Variants in DIP2A observed in about 807,000 individuals in gnomAD.
DIP2A encodes the protein disco-interacting protein 2 homolog A.
A neutral mutation model predicts 177.4 loss-of-function variants in DIP2A; 85 were observed. The ratio of observed to expected loss-of-function variants is 0.48; its 90% CI spans 0.40 to 0.57. The LOEUF (loss-of-function observed/expected upper bound fraction) is 0.57, where lower values mean the gene tolerates loss of function less well. Ranked by LOEUF, DIP2A falls within the 20% of genes least tolerant of loss-of-function variation. The probability of loss-of-function intolerance (pLI) is 0.00; values close to 1 mark genes in which losing one functional copy is unlikely to be tolerated. For missense variants in DIP2A, 1,791 were observed against 2,100.2 expected (o/e 0.85, Z 2.88); for synonymous variants, 886 against 881.8 (o/e 1.00, Z -0.08).
chr21:46,525,417 C>G (rs1291543693), intron 8 of DIP2A, among the ~76,000 whole-genome samples: 1 of 152,166 alleles, frequency 6.6e-6, no homozygotes, highest in African/African-American at 2.4e-5. Flanking sequence ...TTGCCCCACT[C>G]TTCTGTGGTG....
At chr21:46,504,584 C>A in intron 6 of DIP2A, 95 bp downstream of exon 6, 1 of 1,420,880 alleles carries the variant, frequency 7.0e-7, no homozygotes, top group African/African-American at 1.4e-5. Flanking sequence ...TGTAGCAAAC[C>A]CAAGCCAAAC....
intron 32 of DIP2A, among the ~76,000 whole-genome samples, chr21:46,560,143 TGTC>T: frequency 6.6e-6 from 1 of 152,372 alleles, no homozygotes; most frequent in South Asian, 2.1e-4. Flanking sequence ...CAGGTTATGT[TGTC>T]TGGGATCTTT....
chr21:46,511,404 A>C lies in DIP2A; in HGVS notation c.905-13A>C. ...CTGAATTGCTGATTTTAAAGTTTTG[A>C]TTTTGCTTGTAGTTCAGCAACCAGA... On this transcript the variant is annotated splice_polypyrimidine_tract_variant and intron_variant, in intron 7 of 37. Transcript: ENST00000417564. The C allele has an allele frequency of 6.3e-7, 1 of 1,595,802 alleles. No individual in the cohort carries two copies. The highest frequency in any genetic ancestry group is 8.5e-7 in the Non-Finnish European group (1 of 1,171,212).
chr21:46,497,790 G>A (rs1032628060), intron 4 of DIP2A, among the ~76,000 whole-genome samples: 3 of 152,114 alleles, frequency 2.0e-5, no homozygotes, highest in South Asian at 2.1e-4. Flanking sequence ...CACCAGATTC[G>A]TAAGATGATT....
chr21:46,464,844 T>TTTTTTTTTTTTTCCCC (rs58546395), intron 1 of DIP2A, among the ~76,000 whole-genome samples: 1 of 111,218 alleles, frequency 9.0e-6, no homozygotes, highest in African/African-American at 4.2e-5. Flanking sequence ...TTTTTTTTTT[T>TTTTTTTTTTTTTCCCC]CAAGAAAACA....
At chr21:46,514,617 C>CTTTTTTTTTTTTTT (rs752628688) in intron 8 of DIP2A, among the ~76,000 whole-genome samples, 50 of 70,478 alleles carry the variant, frequency 7.1e-4, no homozygotes, top group Admixed American at 9.6e-4. Context: ...AACTTTTATT[C>CTTTTTTTTTTTTTT]TTTTTTTTTT....
chr21:46,476,648 C>G (rs1314679210), intron 1 of DIP2A, among the ~76,000 whole-genome samples: 2 of 145,482 alleles, frequency 1.4e-5, no homozygotes, highest in Non-Finnish European at 3.0e-5. Flanking sequence ...CATAGCATCA[C>G]TCTATTTTTT....
chr21:46,468,056 G>A (rs531081461), intron 1 of DIP2A, among the ~76,000 whole-genome samples: 2 of 151,934 alleles, frequency 1.3e-5, no homozygotes, highest in African/African-American at 4.8e-5. Flanking sequence ...TTGAGGCCAG[G>A]AGTTTGAGAC....
chr21:46,505,676 G>A (rs1454575567), intron 6 of DIP2A, among the ~76,000 whole-genome samples: 1 of 152,158 alleles, frequency 6.6e-6, no homozygotes, highest in African/African-American at 2.4e-5. Flanking sequence ...ACCATATCCA[G>A]CACGCCCAAA....
At chr21:46,536,740 C>T (rs866740006) in intron 13 of DIP2A, among the ~76,000 whole-genome samples, 1 of 151,974 alleles carries the variant, frequency 6.6e-6, no homozygotes, top group Non-Finnish European at 1.5e-5. Flanking sequence ...CCCTTCTCTA[C>T]TAAAAATACA....
intron 3 of DIP2A, 112 bp downstream of exon 3, chr21:46,490,831 T>A (rs993413732): frequency 7.6e-7 from 1 of 1,307,848 alleles, no homozygotes; most frequent in Non-Finnish European, 1.0e-6. Context: ...CCAAAGAAAT[T>A]ATTTTCACAT....
downstream of DIP2A, among the ~76,000 whole-genome samples, chr21:46,571,420 T>C (rs1375279010): frequency 2.0e-5 from 3 of 152,220 alleles, no homozygotes; most frequent in African/African-American, 7.2e-5. Flanking sequence ...AAGTAGTTTT[T>C]TCTAATTCTG....
the DIP2A span, among the ~76,000 whole-genome samples, chr21:46,578,173 G>A: frequency 1.2e-3 from 177 of 152,256 alleles, 1 homozygote; most frequent in Non-Finnish European, 2.3e-3. Context: ...TTAGCCAGGC[G>A]TGGTGGTGTG....
chr21:46,468,325 G>A (rs2055035060), intron 1 of DIP2A, among the ~76,000 whole-genome samples: 1 of 149,994 alleles, frequency 6.7e-6, no homozygotes, highest in African/African-American at 2.5e-5. Context: ...CTACTCTGAT[G>A]GCTGAGGCAG....
chr21:46,534,656 G>A lies in DIP2A; in HGVS notation c.1611G>A (p.Arg537=). 6.2e-7 allele frequency: 1 copy of A among 1,611,822 alleles called. No homozygotes were observed. The highest frequency in any genetic ancestry group is 8.5e-7 in the Non-Finnish European group (1 of 1,179,872). ...VSHASLLAQC[R]ALTQACGYSE... ...ACGCATCCCTGCTGGCACAGTGCCG[G>A]GCTCTGACCCAGGCGTGCGGGTACT... Residue 537 remains arginine, a synonymous_variant, in exon 13 of 38, where the codon CGG becomes CGA. Transcript: ENST00000417564.
chr21:46,502,452 T>A (rs1485174838), intron 5 of DIP2A, among the ~76,000 whole-genome samples: 1 of 136,952 alleles, frequency 7.3e-6, no homozygotes, highest in Non-Finnish European at 1.6e-5. Context: ...TTTTTTTTTT[T>A]TTTTTTTTTT....
intron 16 of DIP2A, chr21:46,538,988 C>T (rs887628053): frequency 1.0e-5 from 2 of 197,812 alleles, no homozygotes; most frequent in South Asian, 8.2e-5. Context: ...CCCACCAGGA[C>T]CCAACCATTC....
the DIP2A span, among the ~76,000 whole-genome samples, chr21:46,581,253 G>C: frequency 6.6e-6 from 1 of 152,234 alleles, no homozygotes; most frequent in Non-Finnish European, 1.5e-5. Context: ...GATATTTGTG[G>C]TTGCATTGTG....
At chr21:46,573,645 CAAAAAAAAAAAAAAAAAAAAAAAA>C (rs201994694), downstream of DIP2A, among the ~76,000 whole-genome samples, 21 of 52,974 alleles carry the variant, frequency 4.0e-4, no homozygotes, top group Admixed American at 5.1e-4. Context: ...CCCTCTCTCA[CAAAAAAAAAAAAAAAAAAAAAAAA>C]AAAAAAAAAA....
Sources: allele counts gnomAD v4.1 joint callset (sites outside exome capture counted in the v4.1 genomes callset), GRCh38; gene constraint gnomAD v4.1.1; transcripts MANE v1.5; gene names NCBI Gene and HGNC (gene_info 2026-07-23, HGNC 2026-07-21).